FRZB: variants seen among roughly 807,000 people sequenced by gnomAD.
FRZB encodes frizzled related protein.
FRZB carries 34 observed loss-of-function variants against 32.5 expected under a neutral mutation model. The ratio of observed to expected loss-of-function variants is 1.05; its 90% CI spans 0.80 to 1.39. The LOEUF is 1.39. FRZB is among the 40% of genes most tolerant of loss of function. The pLI is 0.00. For synonymous variants in FRZB, 170 were observed against 159.2 expected (o/e 1.07, Z -0.51); for missense variants, 423 against 424.8 (o/e 1.00, Z 0.04).
rs748652275 is a variant in FRZB at position 182,866,368 on chromosome 2, T to C, written c.185A>G (p.Gln62Arg). ...CTCGATGGCCAGGATGGCGTTGGCC[T>C]GAGTGCTGTGGTGCAGGTGGTTGGG... is the stretch of plus-strand genomic sequence containing the variant. ...KMPNHLHHST[Q>R]ANAILAIEQF... is the part of the protein sequence containing the mutation. The change falls in exon 1 of 6, where the codon CAG (glutamine) becomes CGG (arginine). Residue 62 changes from glutamine (Q) to arginine (R), a missense_variant. Transcript: ENST00000295113. The surrounding 1 kb of genome is among the most constrained non-coding windows in gnomAD (Gnocchi z 4.5). 7 of 1,613,872 alleles carry C rather than the reference T, an allele frequency of 4.3e-6. No individual in the cohort carries two copies. In the South Asian group the frequency reaches 7.7e-5, roughly 18 times the overall value.
At chr2:182,864,278 T>C (rs1339445561) in intron 1 of FRZB, among the ~76,000 whole-genome samples, 1 of 152,010 alleles carries the variant, frequency 6.6e-6, no homozygotes, top group African/African-American at 2.4e-5. Context: ...CTAAGGGAGG[T>C]TTAAGAGCAA....
chr2:182,852,310 C>T (rs1695718582), intron 2 of FRZB, among the ~76,000 whole-genome samples: 1 of 152,162 alleles, frequency 6.6e-6, no homozygotes, highest in African/African-American at 2.4e-5. Flanking sequence ...TCCAGTTGCT[C>T]AGTGGCCACC....
chr2:182,858,788 C>T lies in FRZB; in HGVS notation c.524G>A (p.Ser175Asn). Residue 175 changes from serine to asparagine, a missense_variant and splice_region_variant, in exon 2 of 6, where the codon AGT becomes AAT. Ser to Asn is a conservative substitution (Grantham distance 46, BLOSUM62 1). Transcript: ENST00000295113. ...CAGGAAGATAATGATATACTCACCA[C>T]TGCTTGCCCCTCTACAGTTTCCGTT... ...SSNGNCRGAS[S>N]ERCKCKPIRA... is the part of the protein sequence containing the mutation. 6.2e-7 allele frequency: 1 copy of T among 1,609,372 alleles called. No individual in the cohort carries two copies. The highest frequency in any genetic ancestry group is 8.5e-7 in the Non-Finnish European group (1 of 1,176,592).
intron 2 of FRZB, among the ~76,000 whole-genome samples, chr2:182,843,961 A>C (rs1348766500): frequency 1.3e-5 from 2 of 152,152 alleles, no homozygotes; most frequent in African/African-American, 4.8e-5. Context: ...TTATGTTAAC[A>C]TGGGGAACAA....
chr2:182,860,417 C>T (rs1695818162), intron 1 of FRZB, among the ~76,000 whole-genome samples: 3 of 151,960 alleles, frequency 2.0e-5, no homozygotes, highest in Non-Finnish European at 4.4e-5. Context: ...ATAAGAGAGA[C>T]CATTATCATC....
At chr2:182,862,908 G>C (rs933336857) in intron 1 of FRZB, among the ~76,000 whole-genome samples, 4 of 151,842 alleles carry the variant, frequency 2.6e-5, no homozygotes, top group Non-Finnish European at 4.4e-5. Flanking sequence ...TAGCTGGGAC[G>C]ACAGGCACGC....
At chr2:182,839,509 C>A (rs750837580) in intron 3 of FRZB, among the ~76,000 whole-genome samples, 4 of 152,000 alleles carry the variant, frequency 2.6e-5, no homozygotes, top group Admixed American at 2.6e-4. Flanking sequence ...GATATATTGG[C>A]ACCCAATTTA....
At chr2:182,839,519 A>G (rs1695564062) in intron 3 of FRZB, among the ~76,000 whole-genome samples, 1 of 152,048 alleles carries the variant, frequency 6.6e-6, no homozygotes, top group Admixed American at 6.6e-5. Flanking sequence ...CACCCAATTT[A>G]TCTCACAAGA....
chr2:182,838,689 G>T (rs936451184), intron 3 of FRZB, 76 bp from the exon 4 acceptor site: 8 of 1,191,406 alleles, frequency 6.7e-6, no homozygotes, highest in Non-Finnish European at 8.5e-6. Flanking sequence ...GCCAAAGTAG[G>T]CTTCTCTTTA....
rs1032164441 is a variant in FRZB, at chr2:182,866,393, G to A, written c.160C>T (p.Pro54Ser). Residue 54 changes from proline (P) to serine (S), a missense_variant, in exon 1 of 6, where the codon CCC (proline) becomes TCC (serine). By Grantham distance (74) the Pro-to-Ser change is moderately conservative. Transcript: ENST00000295113. The surrounding 1 kb of genome is among the most constrained non-coding windows in gnomAD (Gnocchi z 4.5). ...KSLPWNMTKM[P>S]NHLHHSTQAN... ...TGAGTGCTGTGGTGCAGGTGGTTGG[G>A]CATCTTAGTCATGTTCCAGGGCAGG... 4.3e-6 allele frequency: 7 copies of A among 1,612,388 alleles called. No individual in the cohort carries two copies. Among genetic ancestry groups the A allele is most frequent in the Non-Finnish European group, 5.9e-6 (7 of 1,178,788 alleles).
chr2:182,838,769 T>C (rs1007321245), intron 3 of FRZB, among the ~76,000 whole-genome samples, 156 bp from the exon 4 acceptor site: 1 of 152,114 alleles, frequency 6.6e-6, no homozygotes, highest in Non-Finnish European at 1.5e-5. Context: ...TGCCTTAGAC[T>C]GTAGTGTGTG....
intron 1 of FRZB, among the ~76,000 whole-genome samples, chr2:182,859,650 C>A (rs1246631697): frequency 2.0e-5 from 3 of 152,126 alleles, no homozygotes; most frequent in Non-Finnish European, 4.4e-5. Context: ...AAATAGTATT[C>A]TTCCTTTGTC....
intron 3 of FRZB, 58 bp from the exon 4 acceptor site, chr2:182,838,671 C>CA: frequency 2.2e-6 from 3 of 1,381,768 alleles, no homozygotes; most frequent in East Asian, 2.3e-5. Flanking sequence ...CTACCCCATT[C>CA]AAAAAAAGCC....
intron 2 of FRZB, among the ~76,000 whole-genome samples, chr2:182,852,042 G>A (rs145160720): frequency 6.4e-4 from 97 of 152,326 alleles, no homozygotes; most frequent in African/African-American, 2.3e-3. Flanking sequence ...TTAAGCTACT[G>A]TAAAATCACA....
chr2:182,833,307 G>C lies in FRZB; in HGVS notation c.*1542C>G, dbSNP rs1034050441. 3.3e-5 allele frequency: 5 copies of C among 152,090 alleles called. No individual in the cohort carries two copies. The highest frequency in any genetic ancestry group is 4.8e-5 in the African/African-American group (2 of 41,414). 9.4% of individuals were successfully genotyped at this position (152,090 alleles called of 1,614,324 possible). On this transcript the variant is annotated 3_prime_UTR_variant, in exon 6 of 6. Coordinates refer to ENST00000295113, the MANE Select transcript of FRZB (RefSeq NM_001463.4). ...TTCATAAGCATTTTATTTTCAGCAC[G>C]CCACAGCTTAGAAATTTGGTTCTAC...
Position 182,860,775 on chromosome 2 carries a change from G to A in FRZB, c.479-1942C>T, listed in dbSNP as rs751780780. On this transcript the variant is annotated intron_variant, in intron 1 of 5. Coordinates refer to ENST00000295113, the MANE Select transcript of FRZB (RefSeq NM_001463.4). ...CCAGCTACTCAGGAGGCTGAGACAG[G>A]AGAATTGCTTGAACCTTGGAGGCAG... Among the ~76,000 whole-genome samples, 76 of 151,194 alleles carry A rather than the reference G, an allele frequency of 5.0e-4. 2 individuals carry two copies. The highest frequency in any genetic ancestry group is 1.0e-4 in the Non-Finnish European group (7 of 67,892).
chr2:182,845,409 C>T (rs21714), intron 2 of FRZB, among the ~76,000 whole-genome samples: 98,701 of 152,010 alleles, frequency 0.65, 32,490 homozygotes, highest in African/African-American at 0.68. Context: ...CTCTCCCAAC[C>T]TCCTAATGGC....
At chr2:182,835,160 C>A (rs192593438) in intron 5 of FRZB, among the ~76,000 whole-genome samples, 195 bp from the exon 6 acceptor site, 2 of 151,990 alleles carry the variant, frequency 1.3e-5, no homozygotes, top group African/African-American at 2.4e-5. Flanking sequence ...CTTTAACAAG[C>A]GCAACATCTA....
intron 2 of FRZB, among the ~76,000 whole-genome samples, chr2:182,849,671 A>T (rs1314585544): frequency 6.6e-6 from 1 of 152,252 alleles, no homozygotes; most frequent in African/African-American, 2.4e-5. Context: ...CAAATATTGT[A>T]ATAAAGGACT....
Sources: gnomAD v4.1 joint callset for allele counts (sites outside exome capture counted in the v4.1 genomes callset) on GRCh38, gnomAD v4.1.1 for gene constraint, Gnocchi (gnomAD v3.1) non-coding constraint, MANE v1.5 for transcripts, NCBI Gene and HGNC (gene_info 2026-07-23, HGNC 2026-07-21) for gene names.